DGKB: variants seen among roughly 807,000 people sequenced by gnomAD.
DGKB encodes diacylglycerol kinase beta, also known as 90 kDa diacylglycerol kinase.
A neutral mutation model predicts 114.3 loss-of-function variants in DGKB; 67 were observed. The ratio of observed to expected loss-of-function variants is 0.59; its 90% CI spans 0.48 to 0.72. The LOEUF (loss-of-function observed/expected upper bound fraction) is 0.72. Among genes scored for constraint, DGKB ranks in the 30% least tolerant of loss-of-function variants. The probability of loss-of-function intolerance (pLI) is 0.00; values close to 1 mark genes in which losing one functional copy is unlikely to be tolerated. For synonymous variants in DGKB, 398 were observed against 323.1 expected (o/e 1.23, Z -2.49); for missense variants, 907 against 975.2 (o/e 0.93, Z 0.93).
At chr7:14,718,210 T>C (rs1828537231) in intron 6 of DGKB, among the ~76,000 whole-genome samples, 1 of 152,142 alleles carries the variant, frequency 6.6e-6, no homozygotes, top group Admixed American at 6.5e-5. Context: ...CTTCACACAC[T>C]AGAAATACAT....
chr7:14,855,313 C>T (rs1214131190), intron 1 of DGKB, among the ~76,000 whole-genome samples: 3 of 152,260 alleles, frequency 2.0e-5, no homozygotes, highest in East Asian at 3.9e-4. Flanking sequence ...ATTCCTTCTT[C>T]AAGGTTCCTT....
At chr7:14,876,476 G>A (rs6942772) in intron 1 of DGKB, among the ~76,000 whole-genome samples, 65,782 of 151,958 alleles carry the variant, frequency 0.43, 15,341 homozygotes, top group East Asian at 0.62. Context: ...AACAACACTC[G>A]CGGGCTAAGC....
chr7:14,366,833 C>A (rs1816756651), intron 21 of DGKB, among the ~76,000 whole-genome samples: 3 of 152,102 alleles, frequency 2.0e-5, no homozygotes, highest in Non-Finnish European at 4.4e-5. Context: ...TGCAAAGGAA[C>A]ATACGTTCTT....
At chr7:14,342,304 C>T (rs1003417906) in intron 22 of DGKB, among the ~76,000 whole-genome samples, 1 of 151,780 alleles carries the variant, frequency 6.6e-6, no homozygotes, top group South Asian at 2.1e-4. Flanking sequence ...ATAGAATAGG[C>T]TTTCTTATTC....
chr7:14,371,137 C>T (rs540505799), intron 21 of DGKB, among the ~76,000 whole-genome samples: 49 of 152,092 alleles, frequency 3.2e-4, no homozygotes, highest in Non-Finnish European at 5.6e-4. Context: ...CATATGAGTG[C>T]AGGTGTCTTT....
intron 20 of DGKB, among the ~76,000 whole-genome samples, chr7:14,515,258 T>C (rs1432179884): frequency 6.6e-6 from 1 of 152,146 alleles, no homozygotes; most frequent in Non-Finnish European, 1.5e-5. Context: ...AAATTAGCAA[T>C]TGTAGAAAAA....
chr7:14,963,142 G>C (rs555492035), intron 1 of DGKB, among the ~76,000 whole-genome samples: 2 of 152,192 alleles, frequency 1.3e-5, no homozygotes, highest in African/African-American at 4.8e-5. Flanking sequence ...CATAACCCCA[G>C]CTTTAAAAAT....
At chr7:14,178,816 T>C (rs2128247088) in intron 23 of DGKB, among the ~76,000 whole-genome samples, 1 of 152,016 alleles carries the variant, frequency 6.6e-6, no homozygotes, top group African/African-American at 2.4e-5. Context: ...ATTATTAAAT[T>C]TTTTTTTAGC....
intron 13 of DGKB, among the ~76,000 whole-genome samples, chr7:14,656,537 C>G (rs1217305205): frequency 6.6e-6 from 1 of 151,646 alleles, no homozygotes; most frequent in East Asian, 1.9e-4. Flanking sequence ...AATATATTAA[C>G]TTCCCAATTG....
intron 1 of DGKB, among the ~76,000 whole-genome samples, chr7:14,914,133 A>G (rs1239226446): frequency 6.6e-6 from 1 of 152,174 alleles, no homozygotes; most frequent in Non-Finnish European, 1.5e-5. Context: ...AGTATTTATA[A>G]TGAAGAATTG....
At chr7:14,964,104 A>G (rs992865175) in intron 1 of DGKB, among the ~76,000 whole-genome samples, 3 of 151,738 alleles carry the variant, frequency 2.0e-5, no homozygotes, top group Admixed American at 1.3e-4. Flanking sequence ...CATTTGGAAC[A>G]ATCAATCTCC....
At chr7:14,253,400 G>A (rs1471793406) in intron 23 of DGKB, among the ~76,000 whole-genome samples, 1 of 152,116 alleles carries the variant, frequency 6.6e-6, no homozygotes, top group African/African-American at 2.4e-5. Flanking sequence ...GCTGTCACTT[G>A]AGGAGTCCCC....
intron 21 of DGKB, among the ~76,000 whole-genome samples, chr7:14,447,771 T>C (rs967909168): frequency 1.3e-5 from 2 of 152,114 alleles, no homozygotes; most frequent in African/African-American, 2.4e-5. Context: ...GCACACTTAC[T>C]GGTTATAACC....
chr7:14,194,112 G>A (rs1409428711), intron 23 of DGKB, among the ~76,000 whole-genome samples: 1 of 152,122 alleles, frequency 6.6e-6, no homozygotes, highest in African/African-American at 2.4e-5. Flanking sequence ...ATATATACTA[G>A]TACAACCATT....
At chr7:14,758,919 A>AGAT (rs1260850067) in intron 2 of DGKB, among the ~76,000 whole-genome samples, 26 of 149,502 alleles carry the variant, frequency 1.7e-4, no homozygotes, top group African/African-American at 6.7e-4. Flanking sequence ...ATAGATAGAT[A>AGAT]GATAGATAGA....
intron 1 of DGKB, among the ~76,000 whole-genome samples, chr7:14,965,271 T>A (rs895901661): frequency 6.6e-6 from 1 of 152,102 alleles, no homozygotes; most frequent in Non-Finnish European, 1.5e-5. Flanking sequence ...TACACTGTAC[T>A]TTGAAAATAA....
chr7:14,266,397 C>G (rs1236400890), intron 23 of DGKB, among the ~76,000 whole-genome samples: 2 of 152,112 alleles, frequency 1.3e-5, no homozygotes, highest in Admixed American at 1.3e-4. Flanking sequence ...TAGAACTCAA[C>G]AGAAAATTTG....
intron 23 of DGKB, among the ~76,000 whole-genome samples, chr7:14,241,904 T>C (rs7801632): frequency 0.56 from 85,230 of 150,926 alleles, 24,362 homozygotes; most frequent in African/African-American, 0.64. Context: ...ACAAGACAAA[T>C]TGCATCAAGA....
chr7:14,930,593 A>G (rs751605902), intron 1 of DGKB, among the ~76,000 whole-genome samples: 1 of 152,178 alleles, frequency 6.6e-6, no homozygotes, highest in Non-Finnish European at 1.5e-5. Flanking sequence ...TTATCAATAT[A>G]AAAGTTATTT....
Sources: allele counts gnomAD v4.1 joint callset (sites outside exome capture counted in the v4.1 genomes callset), GRCh38; gene constraint gnomAD v4.1.1; transcripts MANE v1.5; gene names NCBI Gene and HGNC (gene_info 2026-07-23, HGNC 2026-07-21).